DAAM2: variants seen among roughly 807,000 people sequenced by gnomAD.
DAAM2 encodes dishevelled associated activator of morphogenesis 2, also known as disheveled-associated activator of morphogenesis 2.
A neutral mutation model predicts 120.7 loss-of-function variants in DAAM2; 39 were observed. That is an observed-to-expected ratio of 0.32 (90% confidence interval 0.25 to 0.42). DAAM2 has a LOEUF of 0.42. DAAM2 is among the 10% of genes least tolerant of loss of function. The pLI is 1.00. For synonymous variants in DAAM2, 488 were observed against 524.9 expected, an observed-to-expected ratio of 0.93 and a Z score of 0.96; for missense variants, 1,283 against 1,401.7, an observed-to-expected ratio of 0.92 and a Z score of 1.35.
At chr6:39,820,876 C>T (rs1350405995) in intron 1 of DAAM2, 1 of 152,218 alleles carries the variant, frequency 6.6e-6, no homozygotes, top group Non-Finnish European at 1.5e-5. Flanking sequence ...TAGGAAAGTG[C>T]TGTGTACATA....
intron 18 of DAAM2, 41 bp from the exon 19 acceptor site, chr6:39,891,593 A>G: frequency 6.3e-7 from 1 of 1,578,130 alleles, no homozygotes; most frequent in Non-Finnish European, 8.6e-7. Context: ...TGGCCAGGAT[A>G]GGGGTGGGAT....
chr6:39,901,531 C>G lies in DAAM2; in HGVS notation c.2982+59C>G. On this transcript the variant is annotated intron_variant, in intron 24 of 24. Coordinates refer to ENST00000274867, the MANE Select transcript of DAAM2 (RefSeq NM_001201427.2). The surrounding 1 kb of genome is among the most constrained non-coding windows in gnomAD (Gnocchi z 4.5). ...AGACGGGTGCTACTTGGGGAGAACA[C>G]CCCCAAACTGGGGTGTGTGGGAGGA... The G allele has an allele frequency of 6.5e-7, 1 of 1,539,528 alleles. No homozygotes were observed. Among genetic ancestry groups the G allele is most frequent in the Non-Finnish European group, 8.8e-7 (1 of 1,141,784 alleles).
intron 1 of DAAM2, among the ~76,000 whole-genome samples, chr6:39,839,969 A>C (rs1472381560): frequency 6.6e-6 from 1 of 152,222 alleles, no homozygotes; most frequent in African/African-American, 2.4e-5. Flanking sequence ...GCTCACACTC[A>C]TAATCCCAGC....
At chr6:39,835,325 G>GTT (rs1448985854) in intron 1 of DAAM2, among the ~76,000 whole-genome samples, 1 of 152,184 alleles carries the variant, frequency 6.6e-6, no homozygotes, top group Non-Finnish European at 1.5e-5. Flanking sequence ...GATACAATAT[G>GTT]TTTTATTTTA....
chr6:39,817,859 T>C (rs956649085), intron 1 of DAAM2, among the ~76,000 whole-genome samples: 1 of 152,074 alleles, frequency 6.6e-6, no homozygotes, highest in Non-Finnish European at 1.5e-5. Flanking sequence ...GTCTACTGAT[T>C]TAAGTGTTCA....
At chr6:39,891,802 G>C in intron 19 of DAAM2, 80 bp downstream of exon 19, 1 of 1,103,486 alleles carries the variant, frequency 9.1e-7, no homozygotes. Flanking sequence ...GTGAATAGGG[G>C]CAGAGGGAAA....
chr6:39,893,399 T>C (rs10456476), intron 19 of DAAM2, among the ~76,000 whole-genome samples: 2,851 of 152,128 alleles, frequency 0.019, 42 homozygotes, highest in Non-Finnish European at 0.031. Context: ...GCACCTGTAG[T>C]CCCAGCTATT....
At chr6:39,883,712 T>G in intron 14 of DAAM2, 28 of 401,772 alleles carry the variant, frequency 7.0e-5, no homozygotes, top group Middle Eastern at 7.3e-4. Flanking sequence ...CCCCCATGAT[T>G]TCTAGAACAT....
chr6:39,891,460 G>T lies in DAAM2; in HGVS notation c.2252+13G>T, dbSNP rs564483809. 3.1e-6 allele frequency: 5 copies of T among 1,594,326 alleles called. No homozygotes were observed. The South Asian group carries it at 5.7e-5, about 18-fold the overall frequency. Reference sequence around the variant, plus strand: ...ATGAAATGAGCAGGTTGGGCCATGGGCATGGTGGGGATTCAAGCAGGTGGG... The same window carrying T: ...ATGAAATGAGCAGGTTGGGCCATGGTCATGGTGGGGATTCAAGCAGGTGGG... On this transcript the variant is annotated intron_variant, in intron 18 of 24. Transcript: ENST00000274867.
chr6:39,802,045 T>C (rs1467388301), intron 1 of DAAM2, among the ~76,000 whole-genome samples: 1 of 152,234 alleles, frequency 6.6e-6, no homozygotes, highest in Non-Finnish European at 1.5e-5. Flanking sequence ...TCTTTTGTAA[T>C]CTCTGTCAGT....
intron 1 of DAAM2, among the ~76,000 whole-genome samples, chr6:39,798,778 G>A (rs756615012): frequency 5.9e-5 from 9 of 152,086 alleles, no homozygotes; most frequent in Admixed American, 4.6e-4. Flanking sequence ...GCCTGCTCAG[G>A]TGTCCCTTTT....
At position 39,901,612 on chromosome 6, in the gene DAAM2, G is replaced by A. The variant is rs894041515; in HGVS notation, c.2982+140G>A. ...TAGGGGTTGGATGTCAGCCCCAGGA[G>A]AGAGAAACTTCTTCCCAGCCTGAGG... On this transcript the variant is annotated intron_variant, in intron 24 of 24. Coordinates refer to ENST00000274867, the MANE Select transcript of DAAM2 (RefSeq NM_001201427.2). The surrounding 1 kb of genome is among the most constrained non-coding windows in gnomAD (Gnocchi z 4.5). 2 of 1,088,336 alleles carry A rather than the reference G, an allele frequency of 1.8e-6. No individual in the cohort carries two copies. The highest frequency in any genetic ancestry group is 1.3e-6 in the Non-Finnish European group (1 of 779,862). The allele number at this position is 1,088,336 out of a possible 1,614,324, so 67.4% of individuals were successfully genotyped here. A position where few individuals can be genotyped will look rare whatever the true frequency, so the allele number is the denominator to read the frequency against.
chr6:39,868,963 T>C, intron 7 of DAAM2, 30 bp downstream of exon 7: 1 of 1,476,596 alleles, frequency 6.8e-7, no homozygotes, highest in Non-Finnish European at 9.3e-7. Context: ...CCCTTGCTGT[T>C]CCCTGACTTT....
rs1762557023 is a variant in DAAM2, at chr6:39,823,397, A to G, written c.-57+30932A>G. On this transcript the variant is annotated intron_variant, in intron 1 of 24. Coordinates refer to ENST00000274867, the MANE Select transcript of DAAM2 (RefSeq NM_001201427.2). ...TTCCAACCTGCTGGTCTCCAAGCTC[A>G]GGATGGACCTAGGCCAGAGACTCAG... Among the ~76,000 whole-genome samples the G allele has an allele frequency of 3.3e-5, 5 of 152,228 alleles. No individual in the cohort carries two copies. In the South Asian group the frequency reaches 1.0e-3, roughly 32 times the overall value.
intron 1 of DAAM2, among the ~76,000 whole-genome samples, chr6:39,848,147 T>C (rs541787912): frequency 2.5e-4 from 36 of 144,410 alleles, no homozygotes; most frequent in Admixed American, 2.2e-3. Context: ...CCCAGCTTCA[T>C]TGACACTTCT....
At position 39,867,683 on chromosome 6, in the gene DAAM2, T is replaced by C. The variant is rs1239444032; in HGVS notation, c.602T>C (p.Ile201Thr). Residue 201 changes from isoleucine (I) to threonine (T), a missense_variant, in exon 6 of 25, where the codon ATT (isoleucine) becomes ACT (threonine). This residue lies in a region of DAAM2 where 338 missense variants were observed against 443.9 expected (regional missense o/e 0.76). Coordinates refer to ENST00000274867, the MANE Select transcript of DAAM2 (RefSeq NM_001201427.2). ...RAHVLAQPEA[I>T]STIAQSLRTE... is the part of the protein sequence containing the mutation. ...CATGTGCTGGCACAGCCTGAGGCCA[T>C]TAGTACCATAGCCCAGAGCCTACGC... 6.2e-7 allele frequency: 1 copy of C among 1,614,008 alleles called. No individual in the cohort carries two copies. The highest frequency in any genetic ancestry group is 2.2e-5 in the East Asian group (1 of 44,880).
intron 15 of DAAM2, chr6:39,885,196 C>T (rs960417497): frequency 2.6e-5 from 4 of 152,236 alleles, no homozygotes; most frequent in Non-Finnish European, 5.9e-5. Context: ...CATGCAGCCG[C>T]TCCTAGGGCT....
chr6:39,867,322 G>A, intron 5 of DAAM2, 188 bp from the exon 6 acceptor site: 3 of 602,612 alleles, frequency 5.0e-6, no homozygotes, highest in Non-Finnish European at 8.8e-6. Context: ...TATTTAAAAT[G>A]CAAATAAGAC....
In DAAM2 at chr6:39,800,325, G is replaced by A. The variant is rs534431255; in HGVS notation, c.-57+7860G>A. The stretch of plus-strand genomic sequence containing the variant: ...CCTCCTTGTGTCTCCTGGGCCTGGG[G>A]TAGCTATCAGGCATCAGGCCCCTAT... On this transcript the variant is annotated intron_variant, in intron 1 of 24. Transcript: ENST00000274867. 2.0e-5 allele frequency among the ~76,000 whole-genome samples: 3 copies of A among 152,296 alleles called. No individual in the cohort carries two copies. In the South Asian group the frequency reaches 6.2e-4, roughly 32 times the overall value.
Sources: gnomAD v4.1 joint callset for allele counts (sites outside exome capture counted in the v4.1 genomes callset) on GRCh38, gnomAD v4.1.1 for gene constraint, gnomAD v4.1.1 regional missense constraint, Gnocchi (gnomAD v3.1) non-coding constraint, MANE v1.5 for transcripts, NCBI Gene and HGNC (gene_info 2026-07-23, HGNC 2026-07-21) for gene names.